VPS13B: variants seen among roughly 807,000 people sequenced by gnomAD.
The protein encoded by VPS13B is vacuolar protein sorting 13 homolog B.
Under a neutral mutation model 426.4 loss-of-function variants are expected in VPS13B, and 285 were observed. The observed-to-expected ratio is 0.67, with a 90% CI of 0.61 to 0.74. The LOEUF (loss-of-function observed/expected upper bound fraction) is 0.74. Among genes scored for constraint, VPS13B ranks in the 30% least tolerant of loss-of-function variants. The pLI is 0.00. For synonymous variants in VPS13B, 1,676 were observed against 1,676.4 expected (o/e 1.00, Z 0.01); for missense variants, 4,537 against 4,782.6 (o/e 0.95, Z 1.51).
chr8:99,848,854 C>G lies in VPS13B; in HGVS notation c.10021C>G (p.Pro3341Ala). The change falls in exon 55 of 62, where the codon CCA becomes GCA. Residue 3341 changes from proline (P) to alanine (A), a missense_variant. Coordinates refer to ENST00000357162, the MANE Select transcript of VPS13B (RefSeq NM_152564.5). ...TGGCACAGTCTTCATCACTGTGGCCCCAGAAGGAAAAGCAGGACCTATTTT... is the reference window on the plus strand; with the variant it reads ...TGGCACAGTCTTCATCACTGTGGCCGCAGAAGGAAAAGCAGGACCTATTTT... ...QCGTVFITVA[P>A]EGKAGPILTN... 1 of 1,614,012 alleles carries G rather than the reference C, an allele frequency of 6.2e-7. No homozygotes were observed. Among genetic ancestry groups the G allele is most frequent in the Non-Finnish European group, 8.5e-7 (1 of 1,179,976 alleles).
chr8:99,691,812 GAC>G (rs1414266438), intron 35 of VPS13B, among the ~76,000 whole-genome samples: 1 of 140,236 alleles, frequency 7.1e-6, no homozygotes, highest in Non-Finnish European at 1.5e-5. Context: ...CACATGCAGA[GAC>G]ACACATAGGC....
intron 17 of VPS13B, among the ~76,000 whole-genome samples, chr8:99,249,309 C>T (rs2132913355): frequency 6.6e-6 from 1 of 152,118 alleles, no homozygotes; most frequent in South Asian, 2.1e-4. Context: ...CAGTTTTTGG[C>T]TATTACGATA....
chr8:99,680,483 T>C (rs1184626628), intron 35 of VPS13B, among the ~76,000 whole-genome samples: 1 of 152,210 alleles, frequency 6.6e-6, no homozygotes, highest in African/African-American at 2.4e-5. Flanking sequence ...TGTCTAATCT[T>C]TTAACTCAAT....
At chr8:99,748,558 A>G (rs1050352769) in intron 39 of VPS13B, among the ~76,000 whole-genome samples, 3 of 152,046 alleles carry the variant, frequency 2.0e-5, no homozygotes, top group African/African-American at 7.2e-5. Context: ...GATTGGTGCT[A>G]AACTATTATA....
chr8:99,223,319 G>A (rs535981198), intron 17 of VPS13B, among the ~76,000 whole-genome samples: 52 of 152,050 alleles, frequency 3.4e-4, no homozygotes, highest in African/African-American at 1.2e-3. Flanking sequence ...AGTAAAATGA[G>A]TAAATTTAAA....
chr8:99,714,129 A>C (rs1274986071), intron 36 of VPS13B, among the ~76,000 whole-genome samples: 4 of 137,820 alleles, frequency 2.9e-5, no homozygotes, highest in Non-Finnish European at 4.6e-5. Context: ...ACAGAGTGAG[A>C]CTCTGTCTCA....
intron 34 of VPS13B, among the ~76,000 whole-genome samples, chr8:99,643,207 A>G (rs1829441890): frequency 6.6e-6 from 1 of 152,108 alleles, no homozygotes; most frequent in Non-Finnish European, 1.5e-5. Context: ...CCCTGAGTTA[A>G]TGTAGATTTG....
At chr8:99,207,964 G>A (rs1024149636) in intron 17 of VPS13B, among the ~76,000 whole-genome samples, 3 of 152,148 alleles carry the variant, frequency 2.0e-5, no homozygotes, top group Non-Finnish European at 4.4e-5. Flanking sequence ...GATCAAGTAT[G>A]GCTTTAAAAA....
At chr8:99,851,701 G>A (rs1207534492) in intron 55 of VPS13B, among the ~76,000 whole-genome samples, 2 of 152,028 alleles carry the variant, frequency 1.3e-5, no homozygotes, top group African/African-American at 4.8e-5. Flanking sequence ...AGGCTGTTGT[G>A]GGCCCAGTGG....
chr8:99,576,158 A>T (rs1825765109), intron 32 of VPS13B, among the ~76,000 whole-genome samples: 1 of 152,108 alleles, frequency 6.6e-6, no homozygotes, highest in African/African-American at 2.4e-5. Flanking sequence ...AATAGAAGAA[A>T]TAATTATAAG....
chr8:99,134,991 C>T (rs747042948), intron 9 of VPS13B, 24 bp from the exon 10 acceptor site: 2 of 1,612,924 alleles, frequency 1.2e-6, no homozygotes, highest in East Asian at 4.5e-5. Context: ...ATTCTTAGTT[C>T]TAATGTTTCC....
At chr8:99,084,683 C>T (rs1312836179) in intron 3 of VPS13B, among the ~76,000 whole-genome samples, 1 of 152,144 alleles carries the variant, frequency 6.6e-6, no homozygotes, top group Non-Finnish European at 1.5e-5. Flanking sequence ...CAAAGAACAT[C>T]TTTATTTCTG....
intron 19 of VPS13B, among the ~76,000 whole-genome samples, chr8:99,313,538 CAG>C (rs1821131761): frequency 6.6e-6 from 1 of 152,168 alleles, no homozygotes; most frequent in African/African-American, 2.4e-5. Context: ...AGCTTCGTCT[CAG>C]AGGGGTAGCC....
At chr8:99,379,317 C>T (rs982448929) in intron 19 of VPS13B, among the ~76,000 whole-genome samples, 36 of 152,134 alleles carry the variant, frequency 2.4e-4, no homozygotes, top group African/African-American at 8.2e-4. Flanking sequence ...TTCCTGGTGT[C>T]CCAAGTTTCA....
At chr8:99,863,594 C>T (rs758293078) in intron 58 of VPS13B, among the ~76,000 whole-genome samples, 143 of 152,070 alleles carry the variant, frequency 9.4e-4, no homozygotes, top group Non-Finnish European at 1.8e-3. Flanking sequence ...CAGAGAAACC[C>T]CAGCCAATGC....
chr8:99,432,613 A>C (rs1429649979), intron 22 of VPS13B, among the ~76,000 whole-genome samples: 1 of 152,214 alleles, frequency 6.6e-6, no homozygotes, highest in African/African-American at 2.4e-5. Flanking sequence ...AAACTTACGG[A>C]GAACGTTTTA....
Position 99,339,325 on chromosome 8 carries a change from G to A in VPS13B, c.2825-44883G>A, listed in dbSNP as rs113860669. On this transcript the variant is annotated intron_variant, in intron 19 of 61. Coordinates refer to ENST00000357162, the MANE Select transcript of VPS13B (RefSeq NM_152564.5). ...GTACAGGAACGTGATGCTGGCATCT[G>A]GTTGACTTCTAGGGAGGCCTCAGGA... 5.3e-3 allele frequency among the ~76,000 whole-genome samples: 811 copies of A among 152,112 alleles called. 12 individuals are homozygous for A. The highest frequency in any genetic ancestry group is 0.018 in the African/African-American group (731 of 41,498).
chr8:99,155,490 A>G (rs1460841035), intron 14 of VPS13B, among the ~76,000 whole-genome samples: 1 of 152,214 alleles, frequency 6.6e-6, no homozygotes, highest in African/African-American at 2.4e-5. Flanking sequence ...TTACAGATGT[A>G]AAAATTCATT....
intron 3 of VPS13B, among the ~76,000 whole-genome samples, chr8:99,042,249 A>G (rs1005868638): frequency 3.9e-5 from 6 of 152,218 alleles, no homozygotes; most frequent in Middle Eastern, 3.4e-3. Flanking sequence ...ATTTTTATGT[A>G]TATATTCTTA....
Sources: gnomAD v4.1 joint callset for allele counts (sites outside exome capture counted in the v4.1 genomes callset) on GRCh38, gnomAD v4.1.1 for gene constraint, MANE v1.5 for transcripts, NCBI Gene and HGNC (gene_info 2026-07-23, HGNC 2026-07-21) for gene names.